SYNPR: variants seen among roughly 807,000 people sequenced by gnomAD.
SYNPR encodes the protein synaptoporin.
A neutral mutation model predicts 32.9 loss-of-function variants in SYNPR; 23 were observed. The ratio of observed to expected loss-of-function variants is 0.70; its 90% CI spans 0.50 to 0.99. The LOEUF (loss-of-function observed/expected upper bound fraction) is 0.99. Among genes scored for constraint, SYNPR ranks in the 50% least tolerant of loss-of-function variants. The pLI is 0.00. For missense variants in SYNPR, 318 were observed against 349.3 expected (o/e 0.91, Z 0.71); for synonymous variants, 146 against 135.9 (o/e 1.07, Z -0.52).
intron 2 of SYNPR, among the ~76,000 whole-genome samples, chr3:63,266,716 A>AAAAAAAC (rs2086492946): frequency 7.0e-6 from 1 of 141,862 alleles, no homozygotes; most frequent in Non-Finnish European, 1.6e-5. Context: ...TCAAAAAAAA[A>AAAAAAAC]AACACAAAAA....
chr3:63,371,101 C>A (rs1057093199), intron 2 of SYNPR, among the ~76,000 whole-genome samples: 1 of 152,036 alleles, frequency 6.6e-6, no homozygotes, highest in Non-Finnish European at 1.5e-5. Flanking sequence ...AGACAACCAC[C>A]CACCTGGGAT....
chr3:63,220,885 C>T, the SYNPR span, among the ~76,000 whole-genome samples: 2 of 152,268 alleles, frequency 1.3e-5, no homozygotes, highest in East Asian at 1.9e-4. Context: ...TCTGTCATAA[C>T]TTAGTGTTAT....
intron 2 of SYNPR, among the ~76,000 whole-genome samples, chr3:63,408,333 AAAGAAAGAAAGAAAGAAAG>A: frequency 2.9e-5 from 4 of 139,090 alleles, no homozygotes; most frequent in African/African-American, 1.2e-4. Context: ...AGAAAGAAAG[AAAGAAAGAAAGAAAGAAAG>A]AAAGAAAGAA....
chr3:63,246,153 T>C (rs2086287700), intron 1 of SYNPR, among the ~76,000 whole-genome samples: 1 of 152,178 alleles, frequency 6.6e-6, no homozygotes, highest in African/African-American at 2.4e-5. Flanking sequence ...CTCCCAGCTG[T>C]CTAGGCTCAA....
intron 2 of SYNPR, among the ~76,000 whole-genome samples, chr3:63,414,183 G>A (rs1336094449): frequency 2.0e-5 from 3 of 151,966 alleles, no homozygotes; most frequent in Non-Finnish European, 1.5e-5. Context: ...GGCAAAAAAG[G>A]CTTACAGTGA....
intron 4 of SYNPR, among the ~76,000 whole-genome samples, chr3:63,575,745 T>G (rs1333046122): frequency 2.0e-5 from 3 of 152,176 alleles, no homozygotes; most frequent in Non-Finnish European, 4.4e-5. Flanking sequence ...GCATACTTTG[T>G]TAGGGGTCGG....
At chr3:63,241,394 T>A (rs1210469302) in intron 1 of SYNPR, among the ~76,000 whole-genome samples, 1 of 152,128 alleles carries the variant, frequency 6.6e-6, no homozygotes, top group East Asian at 1.9e-4. Flanking sequence ...CAGGGAAGCC[T>A]GGACTTCTTA....
chr3:63,248,353 TG>T (rs773101978), intron 1 of SYNPR, among the ~76,000 whole-genome samples: 2 of 152,082 alleles, frequency 1.3e-5, no homozygotes, highest in Non-Finnish European at 2.9e-5. Context: ...GTAGCAATTG[TG>T]ATGAAGATAC....
intron 4 of SYNPR, among the ~76,000 whole-genome samples, chr3:63,570,804 A>C (rs1702873101): frequency 6.6e-6 from 1 of 152,168 alleles, no homozygotes; most frequent in South Asian, 2.1e-4. Context: ...CAAATATCTG[A>C]AGGACAAGGA....
chr3:63,587,557 T>C (rs372017273), intron 4 of SYNPR, among the ~76,000 whole-genome samples: 1 of 151,762 alleles, frequency 6.6e-6, no homozygotes, highest in Admixed American at 6.6e-5. Context: ...TTTAATATTA[T>C]GTAATTCTGG....
intron 2 of SYNPR, among the ~76,000 whole-genome samples, chr3:63,442,693 T>C (rs1700201860): frequency 6.6e-6 from 1 of 152,146 alleles, no homozygotes; most frequent in Non-Finnish European, 1.5e-5. Flanking sequence ...TAAGTAACAC[T>C]CCTGTGACGA....
At chr3:63,613,639 A>AAAAAAACT (rs71099711) in intron 5 of SYNPR, among the ~76,000 whole-genome samples, 1 of 130,784 alleles carries the variant, frequency 7.6e-6, no homozygotes, top group Non-Finnish European at 1.7e-5. Flanking sequence ...AAAAAAAAAA[A>AAAAAAACT]GTCTGCAAAG....
At chr3:63,548,595 T>C (rs181505904) in intron 3 of SYNPR, among the ~76,000 whole-genome samples, 161 of 152,196 alleles carry the variant, frequency 1.1e-3, no homozygotes, top group African/African-American at 3.7e-3. Flanking sequence ...CAATATTTCA[T>C]ATAGGGAAGA....
At chr3:63,487,236 T>G (rs1701173513) in intron 3 of SYNPR, among the ~76,000 whole-genome samples, 1 of 152,206 alleles carries the variant, frequency 6.6e-6, no homozygotes, top group Admixed American at 6.5e-5. Context: ...GTAGTGTAGC[T>G]TGGACTCTAG....
At chr3:63,581,422 T>G (rs1296187375) in intron 4 of SYNPR, among the ~76,000 whole-genome samples, 1 of 152,174 alleles carries the variant, frequency 6.6e-6, no homozygotes, top group African/African-American at 2.4e-5. Context: ...TTGCATTGTA[T>G]AGTCATCAGT....
intron 3 of SYNPR, among the ~76,000 whole-genome samples, chr3:63,487,739 G>C (rs941581894): frequency 1.3e-5 from 2 of 152,198 alleles, no homozygotes; most frequent in Non-Finnish European, 2.9e-5. Context: ...ACTAATGGGA[G>C]AATGAAAGCT....
At chr3:63,569,245 A>G (rs1702845210) in intron 4 of SYNPR, among the ~76,000 whole-genome samples, 1 of 152,174 alleles carries the variant, frequency 6.6e-6, no homozygotes, top group African/African-American at 2.4e-5. Flanking sequence ...CTTGCACTTT[A>G]CACATATTTT....
chr3:63,489,084 G>A (rs1376589594), intron 3 of SYNPR, among the ~76,000 whole-genome samples: 1 of 152,140 alleles, frequency 6.6e-6, no homozygotes. Flanking sequence ...AGTGCAAGTA[G>A]TTTTCTTGGA....
intron 2 of SYNPR, among the ~76,000 whole-genome samples, chr3:63,255,684 G>T (rs1439221513): frequency 6.6e-6 from 1 of 152,132 alleles, no homozygotes; most frequent in East Asian, 1.9e-4. Context: ...CGCAGAAGAT[G>T]GGTGATTTCT....
Sources: gnomAD v4.1 joint callset for allele counts (sites outside exome capture counted in the v4.1 genomes callset) on GRCh38, gnomAD v4.1.1 for gene constraint, MANE v1.5 for transcripts, NCBI Gene and HGNC (gene_info 2026-07-23, HGNC 2026-07-21) for gene names.